Variants in TDRD9 observed in about 807,000 individuals in gnomAD.
The protein encoded by TDRD9 is tudor domain containing 9, also known as ATP-dependent RNA helicase TDRD9.
A neutral mutation model predicts 172.6 loss-of-function variants in TDRD9; 124 were observed. The ratio of observed to expected loss-of-function variants is 0.72; its 90% CI spans 0.62 to 0.83. The LOEUF is 0.83. Among genes scored for constraint, TDRD9 ranks in the 40% least tolerant of loss-of-function variants. The pLI, the probability that TDRD9 is intolerant of heterozygous loss-of-function variation, is 0.00. For synonymous variants in TDRD9, 619 were observed against 617.1 expected (o/e 1.00, Z -0.05); for missense variants, 1,479 against 1,714.1 (o/e 0.86, Z 2.42).
intron 2 of TDRD9, among the ~76,000 whole-genome samples, chr14:103,956,002 C>T (rs974643672): frequency 1.4e-5 from 2 of 142,220 alleles, no homozygotes; most frequent in African/African-American, 5.4e-5. Flanking sequence ...CCCAGCTACT[C>T]GGGAGGCTGA....
intron 6 of TDRD9, among the ~76,000 whole-genome samples, chr14:103,971,986 A>C (rs2033054241): frequency 6.6e-6 from 1 of 152,114 alleles, no homozygotes. Context: ...GTGAAACCCC[A>C]TCTCTACAAA....
intron 1 of TDRD9, 135 bp downstream of exon 1, chr14:103,928,859 C>T (rs2152111129): frequency 8.0e-6 from 2 of 249,296 alleles, no homozygotes; most frequent in Admixed American, 5.7e-5. Flanking sequence ...CCGTCCAGGG[C>T]GAGTGGTCAC....
rs567247215 is a variant in TDRD9 at position 103,995,761 on chromosome 14, C to A, written c.1332C>A (p.Ser444=). Residue 444 remains serine, a synonymous_variant, in exon 12 of 36, where the codon TCC becomes TCA. Coordinates refer to ENST00000409874, the MANE Select transcript of TDRD9 (RefSeq NM_153046.3). ...TTGATGTTTAACAGATTATTCTGTC[C>A]ACCAATATTGCAGAGAGTTCTGTCA... ...PVPGYRKIIL[S]TNIAESSVTV... is the part of the protein sequence containing the mutation. The A allele has an allele frequency of 1.3e-4, 202 of 1,607,328 alleles. No individual in the cohort carries two copies. In the South Asian group the frequency reaches 2.1e-3, roughly 17 times the overall value.
intron 1 of TDRD9, chr14:103,939,668 G>T (rs2152118614): frequency 3.0e-5 from 3 of 100,434 alleles, no homozygotes; most frequent in East Asian, 3.5e-4. Context: ...GGAGAATAAA[G>T]TTAGGAGGGT....
intron 1 of TDRD9, among the ~76,000 whole-genome samples, chr14:103,947,394 T>C (rs1271088118): frequency 6.6e-6 from 1 of 151,952 alleles, no homozygotes; most frequent in East Asian, 1.9e-4. Context: ...CAGTGGCGAT[T>C]TCTACTCACT....
chr14:103,932,792 G>A (rs543750625), intron 1 of TDRD9, among the ~76,000 whole-genome samples: 76 of 152,222 alleles, frequency 5.0e-4, no homozygotes, highest in African/African-American at 1.8e-3. Flanking sequence ...ACTGCAGTCC[G>A]GTCTGAGAGA....
chr14:103,991,085 T>G, intron 8 of TDRD9, 75 bp from the exon 9 acceptor site: 1 of 1,552,028 alleles, frequency 6.4e-7, no homozygotes, highest in Non-Finnish European at 8.9e-7. Flanking sequence ...TAAAAGCCTG[T>G]AATATTAGGA....
At chr14:104,019,913 C>T (rs1271031544) in intron 23 of TDRD9, among the ~76,000 whole-genome samples, 1 of 152,200 alleles carries the variant, frequency 6.6e-6, no homozygotes, top group Admixed American at 6.5e-5. Context: ...GAGACTTCCT[C>T]GGGTAGACGT....
At chr14:103,960,274 A>G (rs190214089) in intron 2 of TDRD9, among the ~76,000 whole-genome samples, 63 of 152,320 alleles carry the variant, frequency 4.1e-4, no homozygotes, top group Admixed American at 6.5e-4. Flanking sequence ...AAAATTCCTT[A>G]CATGCTGTTT....
chr14:103,990,292 G>A (rs2033819797), intron 8 of TDRD9, among the ~76,000 whole-genome samples: 1 of 152,228 alleles, frequency 6.6e-6, no homozygotes, highest in Admixed American at 6.5e-5. Context: ...AGAGATGGAG[G>A]AGCAGCAGGA....
chr14:104,031,134 C>CTTGAAG lies in TDRD9; in HGVS notation c.3311_3312insGAAGTT (p.Leu1103_Phe1104insLeuLys). On this transcript the variant is annotated inframe_insertion, in exon 29 of 36. Transcript: ENST00000409874. ...AAAGCCATGAAGTTCTCAAGGGCCT[C>CTTGAAG]TTTTCCAAGTCAGTAGAAAACATGA... 1 of 1,551,032 alleles carries CTTGAAG rather than the reference C, an allele frequency of 6.4e-7. No homozygotes were observed. The highest frequency in any genetic ancestry group is 8.7e-7 in the Non-Finnish European group (1 of 1,146,838).
intron 32 of TDRD9, among the ~76,000 whole-genome samples, chr14:104,035,538 TAGAG>T (rs1205053603): frequency 4.6e-5 from 7 of 152,286 alleles, no homozygotes; most frequent in African/African-American, 1.7e-4. Flanking sequence ...GAGACTTTGA[TAGAG>T]AGGAGTGTGT....
At chr14:104,031,971 T>C (rs890948292) in intron 29 of TDRD9, 46 bp from the exon 30 acceptor site, 37 of 1,298,852 alleles carry the variant, frequency 2.8e-5, no homozygotes, top group Non-Finnish European at 3.5e-5. Flanking sequence ...TCATGTTAAG[T>C]GTTATCTTGC....
At chr14:103,982,399 T>C (rs925648918) in intron 7 of TDRD9, among the ~76,000 whole-genome samples, 3 of 152,192 alleles carry the variant, frequency 2.0e-5, no homozygotes, top group African/African-American at 7.2e-5. Context: ...GGGTCCCTAG[T>C]GACCTCCTTG....
chr14:103,987,135 C>T (rs1382319403), intron 8 of TDRD9, among the ~76,000 whole-genome samples: 207 of 151,220 alleles, frequency 1.4e-3, no homozygotes, highest in African/African-American at 4.8e-3. Context: ...CACACACACA[C>T]ACACACACAC....
chr14:104,006,877 A>C, intron 18 of TDRD9, 32 bp downstream of exon 18: 1 of 1,563,068 alleles, frequency 6.4e-7, no homozygotes, highest in South Asian at 1.1e-5. Context: ...CCATGAAAGC[A>C]GCTACCACAG....
In TDRD9 at chr14:104,006,818, C is replaced by T. The variant is rs201148998; in HGVS notation, c.1980C>T (p.Asp660=). The change falls in exon 18 of 36, where the codon GAC becomes GAT. Residue 660 remains aspartate, a synonymous_variant. Transcript: ENST00000409874. Reference sequence around the variant, plus strand: ...ATTTCTCTGGCAGTAGCAAGAGTGACTGTATTGCACTTGTTGAGGCATTTA... The same window carrying T: ...ATTTCTCTGGCAGTAGCAAGAGTGATTGTATTGCACTTGTTGAGGCATTTA... ...KVNFSGSSKS[D]CIALVEAFKT... The T allele has an allele frequency of 6.2e-7, 1 of 1,613,254 alleles. No individual in the cohort carries two copies. Among genetic ancestry groups the T allele is most frequent in the African/African-American group, 1.3e-5 (1 of 75,034 alleles).
intron 1 of TDRD9, among the ~76,000 whole-genome samples, chr14:103,954,080 C>T (rs2032078158): frequency 6.6e-6 from 1 of 152,164 alleles, no homozygotes; most frequent in Non-Finnish European, 1.5e-5. Flanking sequence ...TGCATTTAAA[C>T]CAGACACTGA....
chr14:104,019,438 C>T (rs1431341665), intron 23 of TDRD9, among the ~76,000 whole-genome samples: 1 of 152,162 alleles, frequency 6.6e-6, no homozygotes, highest in Admixed American at 6.5e-5. Flanking sequence ...TCTCGGCTCA[C>T]TGCAACCTCC....
Sources: gnomAD v4.1 joint callset for allele counts (sites outside exome capture counted in the v4.1 genomes callset) on GRCh38, gnomAD v4.1.1 for gene constraint, MANE v1.5 for transcripts, NCBI Gene and HGNC (gene_info 2026-07-23, HGNC 2026-07-21) for gene names.